MLLT3: variants seen among roughly 807,000 people sequenced by gnomAD.
MLLT3 encodes MLLT3 super elongation complex subunit, also known as protein AF-9.
MLLT3 carries 4 observed loss-of-function variants against 53.2 expected under a neutral mutation model. The ratio of observed to expected loss-of-function variants is 0.08; its 90% CI spans 0.04 to 0.17. The LOEUF is 0.17. Among genes scored for constraint, MLLT3 ranks in the 10% least tolerant of loss-of-function variants. MLLT3 has a pLI of 1.00. For synonymous variants in MLLT3, 283 were observed against 230.6 expected (o/e 1.23, Z -2.06); for missense variants, 569 against 684.0 (o/e 0.83, Z 1.87).
chr9:20,417,691 T>C (rs1822905007), intron 4 of MLLT3, among the ~76,000 whole-genome samples: 1 of 152,186 alleles, frequency 6.6e-6, no homozygotes, highest in Non-Finnish European at 1.5e-5. Context: ...CCTGTGACTA[T>C]AGGATACAAT....
At chr9:20,467,735 A>C (rs1414338444) in intron 2 of MLLT3, among the ~76,000 whole-genome samples, 1 of 152,244 alleles carries the variant, frequency 6.6e-6, no homozygotes, top group African/African-American at 2.4e-5. Flanking sequence ...GAGAACAGAG[A>C]ATACAGAAAA....
intron 5 of MLLT3, among the ~76,000 whole-genome samples, chr9:20,383,794 G>T (rs1821963454): frequency 6.6e-6 from 1 of 151,808 alleles, no homozygotes. Flanking sequence ...TATTTTCTCT[G>T]AAACTTCTCC....
At chr9:20,606,517 T>C (rs1415868547) in intron 2 of MLLT3, among the ~76,000 whole-genome samples, 1 of 152,138 alleles carries the variant, frequency 6.6e-6, no homozygotes, top group African/African-American at 2.4e-5. Context: ...GGCTACAAAG[T>C]ACTTTTATTT....
rs141151764 is a variant in MLLT3, at chr9:20,426,983, A to G, written c.421-12558T>C. On this transcript the variant is annotated intron_variant, in intron 4 of 10. Transcript: ENST00000380338. ...TTGGAGACCTAAACCTCAGAGTCTC[A>G]ACAGAAACCAAGAAGAAGCCTTTAC... Among the ~76,000 whole-genome samples, 294 of 152,234 alleles carry G rather than the reference A, an allele frequency of 1.9e-3. 1 individual carries two copies. Among genetic ancestry groups the G allele is most frequent in the Non-Finnish European group, 2.5e-3 (169 of 68,010 alleles).
At chr9:20,348,361 G>C (rs964516743) in intron 10 of MLLT3, among the ~76,000 whole-genome samples, 1 of 152,118 alleles carries the variant, frequency 6.6e-6, no homozygotes, top group African/African-American at 2.4e-5. Context: ...CTGTTTTCAG[G>C]AATATTTCTG....
chr9:20,362,837 C>G (rs1302217302), intron 7 of MLLT3: 2 of 150,104 alleles, frequency 1.3e-5, no homozygotes, highest in African/African-American at 4.9e-5. Flanking sequence ...TTTTTCCACT[C>G]AAGACAAATT....
chr9:20,347,621 T>G (rs2118585261), intron 10 of MLLT3, among the ~76,000 whole-genome samples: 1 of 152,278 alleles, frequency 6.6e-6, no homozygotes, highest in East Asian at 1.9e-4. Flanking sequence ...ACTAATAATT[T>G]TATTGGACAT....
intron 2 of MLLT3, among the ~76,000 whole-genome samples, chr9:20,600,813 T>C (rs1042654500): frequency 6.6e-6 from 1 of 152,186 alleles, no homozygotes; most frequent in Non-Finnish European, 1.5e-5. Context: ...AGCCTTCCCC[T>C]AGAAAGTAAG....
intron 2 of MLLT3, among the ~76,000 whole-genome samples, chr9:20,527,258 G>A (rs1448574004): frequency 6.6e-6 from 1 of 152,040 alleles, no homozygotes. Flanking sequence ...CATTTATCAG[G>A]TAGAACAATA....
At position 20,621,312 on chromosome 9, in the gene MLLT3, G is replaced by T. The variant is rs1821000400; in HGVS notation, c.13-478C>A. On this transcript the variant is annotated intron_variant, in intron 1 of 10. Transcript: ENST00000380338. This position sits in a 1 kb window ranked among gnomAD's most constrained non-coding sequence, Gnocchi z 7.0. ...ACACGCCGAGGAAGTCTTTGTGTAC[G>T]TGTGTGTGCGTGCGTGTGGAGCGCT... Among the ~76,000 whole-genome samples the T allele has an allele frequency of 6.6e-6, 1 of 152,192 alleles. No homozygotes were observed. The highest frequency in any genetic ancestry group is 1.5e-5 in the Non-Finnish European group (1 of 68,032).
chr9:20,607,231 T>C (rs1820593942), intron 2 of MLLT3, among the ~76,000 whole-genome samples: 2 of 152,132 alleles, frequency 1.3e-5, no homozygotes, highest in Admixed American at 6.6e-5. Context: ...TTATAACAAG[T>C]TTTAAAACAA....
chr9:20,388,518 A>T (rs1822098294), intron 5 of MLLT3, among the ~76,000 whole-genome samples: 1 of 152,064 alleles, frequency 6.6e-6, no homozygotes, highest in Non-Finnish European at 1.5e-5. Flanking sequence ...AACCTGGGAG[A>T]CGGAGCTTGC....
intron 8 of MLLT3, among the ~76,000 whole-genome samples, chr9:20,355,104 AAAAAAAAAAAAAAC>A: frequency 6.6e-6 from 1 of 151,596 alleles, no homozygotes; most frequent in Non-Finnish European, 1.5e-5. Flanking sequence ...CTAAAAAAAA[AAAAAAAAAAAAAAC>A]AACACAGTTG....
chr9:20,552,208 A>C (rs532411344), intron 2 of MLLT3, among the ~76,000 whole-genome samples: 6 of 152,334 alleles, frequency 3.9e-5, no homozygotes, highest in African/African-American at 1.4e-4. Context: ...TTGTTTGCAA[A>C]GAACTTTACA....
chr9:20,416,517 G>T (rs1338150553), intron 4 of MLLT3, among the ~76,000 whole-genome samples: 1 of 151,720 alleles, frequency 6.6e-6, no homozygotes, highest in Non-Finnish European at 1.5e-5. Flanking sequence ...TTTAATTCAG[G>T]GTACACATTG....
intron 8 of MLLT3, among the ~76,000 whole-genome samples, chr9:20,360,277 T>C (rs1821280961): frequency 6.6e-6 from 1 of 152,216 alleles, no homozygotes; most frequent in Admixed American, 6.5e-5. Context: ...ATTTGTCATC[T>C]TCCCAATAAC....
At chr9:20,482,461 G>A (rs1462961918) in intron 2 of MLLT3, among the ~76,000 whole-genome samples, 1 of 152,038 alleles carries the variant, frequency 6.6e-6, no homozygotes, top group Admixed American at 6.5e-5. Context: ...TCGGGTCATT[G>A]GAACACTCAT....
At chr9:20,589,564 C>T (rs911475292) in intron 2 of MLLT3, among the ~76,000 whole-genome samples, 1 of 143,390 alleles carries the variant, frequency 7.0e-6, no homozygotes. Flanking sequence ...TGCACATGTA[C>T]CCTAAAACTT....
intron 3 of MLLT3, among the ~76,000 whole-genome samples, chr9:20,453,453 C>T (rs1258141433): frequency 6.6e-6 from 1 of 152,130 alleles, no homozygotes; most frequent in African/African-American, 2.4e-5. Flanking sequence ...GTCCCAGCTA[C>T]TTGGGAAGCT....
Sources: gnomAD v4.1 joint callset for allele counts (sites outside exome capture counted in the v4.1 genomes callset) on GRCh38, gnomAD v4.1.1 for gene constraint, Gnocchi (gnomAD v3.1) non-coding constraint, MANE v1.5 for transcripts, NCBI Gene and HGNC (gene_info 2026-07-23, HGNC 2026-07-21) for gene names.